The following ZNF718 variants were observed in gnomAD, a reference collection of about 807,000 sequenced individuals.
ZNF718 encodes zinc finger protein 718.
In ZNF718, 3 loss-of-function variants were observed where a neutral mutation model predicts 2.6. The ratio of observed to expected loss-of-function variants is 1.16; its 90% CI spans 0.53 to 3.01. The LOEUF (loss-of-function observed/expected upper bound fraction) is 3.01, where lower values mean the gene tolerates loss of function less well. ZNF718 is among the 30% of genes most tolerant of loss of function. The pLI is 0.03. For synonymous variants in ZNF718, 135 were observed against 77.9 expected (o/e 1.73, Z -3.86); for missense variants, 468 against 230.0 (o/e 2.03, Z -6.69).
intron 3 of ZNF718, among the ~76,000 whole-genome samples, chr4:179,107 G>A (rs1222048146): frequency 6.6e-6 from 1 of 152,128 alleles, no homozygotes; most frequent in African/African-American, 2.4e-5. Flanking sequence ...TTCTATTTAG[G>A]TGTTGAATTT....
chr4:129,887 A>G lies in ZNF718; in HGVS notation c.4-901A>G, dbSNP rs1392499620. On this transcript the variant is annotated intron_variant, in intron 1 of 3. Coordinates refer to ENST00000510175, the MANE Select transcript of ZNF718 (RefSeq NM_001039127.6). ...CTTTTCAGGATGTTATAGTATTAAC[A>G]CACATAATGTGAACTTCCCAGCACA... 1.9e-5 allele frequency among the ~76,000 whole-genome samples: 2 copies of G among 104,562 alleles called. 1 individual carries two copies. Among genetic ancestry groups the G allele is most frequent in the Non-Finnish European group, 4.3e-5 (2 of 46,830 alleles). The allele number at this position is 104,562 out of a possible 152,430, so 68.6% of individuals were successfully genotyped here. A position where few individuals can be genotyped will look rare whatever the true frequency, so the allele number is the denominator to read the frequency against.
In ZNF718 at chr4:161,173, T is replaced by C; in HGVS notation, c.488T>C (p.Ile163Thr). The change falls in exon 4 of 4, where the codon ATA becomes ACA. Residue 163 changes from isoleucine (I) to threonine (T), a missense_variant. Physicochemically the swap from Ile to Thr is moderately conservative, Grantham distance 89 (BLOSUM62 -1). Transcript: ENST00000510175. ...TTTTCAAATTCAAACAAAGATAAGA[T>C]AAGATATACTGGAGATAAAACCTTT... Reference protein sequence around the residue: ...HKFSNSNKDKIRYTGDKTFKC... With the variant: ...HKFSNSNKDKTRYTGDKTFKC... 1.3e-6 allele frequency: 1 copy of C among 766,068 alleles called. No homozygotes were observed. Among genetic ancestry groups the C allele is most frequent in the South Asian group, 1.4e-5 (1 of 73,088 alleles). The allele number at this position is 766,068 out of a possible 1,614,324, so 47.5% of individuals were successfully genotyped here.
At chr4:143,949 ATC>A (rs1390424794) in intron 3 of ZNF718, among the ~76,000 whole-genome samples, 22 of 152,086 alleles carry the variant, frequency 1.4e-4, no homozygotes, top group Non-Finnish European at 2.9e-5. Flanking sequence ...TGGGGATCAC[ATC>A]TCTCGGGGGA....
intron 3 of ZNF718, among the ~76,000 whole-genome samples, chr4:140,343 T>G (rs1581431955): frequency 6.6e-6 from 1 of 152,350 alleles, no homozygotes; most frequent in Middle Eastern, 3.4e-3. Context: ...GCAGAGGTTC[T>G]GAGGTCTGGT....
chr4:177,601 A>G (rs1481967413), intron 3 of ZNF718, among the ~76,000 whole-genome samples: 1 of 152,088 alleles, frequency 6.6e-6, no homozygotes, highest in Non-Finnish European at 1.5e-5. Context: ...CTTCTCACCT[A>G]GAAACTCTCA....
At chr4:156,872 T>C (rs1553813766) in intron 3 of ZNF718, among the ~76,000 whole-genome samples, 1 of 152,186 alleles carries the variant, frequency 6.6e-6, no homozygotes, top group African/African-American at 2.4e-5. Flanking sequence ...TTCGTTTATT[T>C]GCTTCAGTAA....
chr4:184,091 T>C (rs919784550), intron 3 of ZNF718, among the ~76,000 whole-genome samples: 1 of 152,212 alleles, frequency 6.6e-6, no homozygotes, highest in Admixed American at 6.5e-5. Flanking sequence ...GTGCTGATTT[T>C]CAAGGCAAAT....
At chr4:140,135 G>A (rs531086061) in intron 3 of ZNF718, among the ~76,000 whole-genome samples, 18 of 151,964 alleles carry the variant, frequency 1.2e-4, no homozygotes, top group South Asian at 1.0e-3. Flanking sequence ...TTCCCTTACC[G>A]TACTCAACTG....
chr4:189,309 G>T (rs1717646455), intron 3 of ZNF718, among the ~76,000 whole-genome samples: 1 of 151,856 alleles, frequency 6.6e-6, no homozygotes, highest in Non-Finnish European at 1.5e-5. Flanking sequence ...TCCTTATACA[G>T]TTTTAAAAAT....
intron 3 of ZNF718, among the ~76,000 whole-genome samples, chr4:174,773 T>G (rs1394075803): frequency 1.3e-5 from 2 of 152,164 alleles, no homozygotes; most frequent in African/African-American, 4.8e-5. Flanking sequence ...CTCAAATAAA[T>G]TATCTCTTGA....
chr4:145,776 C>A (rs943129818), intron 3 of ZNF718, among the ~76,000 whole-genome samples: 6 of 152,012 alleles, frequency 3.9e-5, no homozygotes, highest in Admixed American at 3.3e-4. Context: ...TTTAAAAAAA[C>A]CAAACAGCTT....
intron 3 of ZNF718, among the ~76,000 whole-genome samples, chr4:183,641 T>A (rs1717509233): frequency 6.6e-6 from 1 of 152,240 alleles, no homozygotes; most frequent in Non-Finnish European, 1.5e-5. Context: ...GGTATGGGCA[T>A]GGAATGTATT....
intron 3 of ZNF718, among the ~76,000 whole-genome samples, chr4:147,005 CTG>C (rs1263627739): frequency 2.0e-5 from 3 of 152,180 alleles, no homozygotes; most frequent in Admixed American, 6.5e-5. Flanking sequence ...GAGTCTCACT[CTG>C]TTGCTCAGGC....
At chr4:173,963 AAC>A (rs1553818633) in intron 3 of ZNF718, among the ~76,000 whole-genome samples, 1 of 152,200 alleles carries the variant, frequency 6.6e-6, no homozygotes, top group Non-Finnish European at 1.5e-5. Flanking sequence ...GCTTGGAACA[AAC>A]ACAATTTGTG....
intron 3 of ZNF718, among the ~76,000 whole-genome samples, chr4:186,847 TG>T (rs1717576497): frequency 6.6e-6 from 1 of 152,224 alleles, no homozygotes; most frequent in South Asian, 2.1e-4. Context: ...TGGGTTACAA[TG>T]TGCCCCTTTA....
At chr4:175,179 C>G (rs183213003) in intron 3 of ZNF718, among the ~76,000 whole-genome samples, 1 of 152,228 alleles carries the variant, frequency 6.6e-6, no homozygotes, top group African/African-American at 2.4e-5. Context: ...GTTTGCCTGC[C>G]TAAGTGACAC....
In ZNF718 at chr4:124,677, A is replaced by C; in HGVS notation, c.3+4A>C. 1 of 1,609,330 alleles carries C rather than the reference A, an allele frequency of 6.2e-7. No individual in the cohort carries two copies. Among genetic ancestry groups the C allele is most frequent in the Non-Finnish European group, 8.5e-7 (1 of 1,179,690 alleles). On this transcript the variant is annotated splice_donor_region_variant and intron_variant, in intron 1 of 3. Coordinates refer to ENST00000510175, the MANE Select transcript of ZNF718 (RefSeq NM_001039127.6). ...ACACTCCTGAAGTCGGGAAATGGTG[A>C]GTGTGCAGGGCAGGGCGTCCCAAGG...
chr4:149,279 T>G (rs140675123), intron 3 of ZNF718, among the ~76,000 whole-genome samples: 73 of 152,324 alleles, frequency 4.8e-4, no homozygotes, highest in Middle Eastern at 6.8e-3. Context: ...TATTAATTAT[T>G]GAGATGCATT....
chr4:175,218 G>A (rs1553818875), intron 3 of ZNF718, among the ~76,000 whole-genome samples: 4 of 152,114 alleles, frequency 2.6e-5, no homozygotes, highest in Non-Finnish European at 4.4e-5. Context: ...GTTTTACCCC[G>A]CAGGATCAGC....
Sources: gnomAD v4.1 joint callset for allele counts (sites outside exome capture counted in the v4.1 genomes callset) on GRCh38, gnomAD v4.1.1 for gene constraint, MANE v1.5 for transcripts, NCBI Gene and HGNC (gene_info 2026-07-23, HGNC 2026-07-21) for gene names.